CEACAM1: variants seen among roughly 807,000 people sequenced by gnomAD.
CEACAM1 encodes cell adhesion molecule CEACAM1.
Under a neutral mutation model 49.1 loss-of-function variants are expected in CEACAM1, and 31 were observed. The ratio of observed to expected loss-of-function variants is 0.63; its 90% CI spans 0.47 to 0.85. CEACAM1 has a LOEUF of 0.85. CEACAM1 is among the 40% of genes least tolerant of loss of function. CEACAM1 has a pLI of 0.00. For synonymous variants in CEACAM1, 244 were observed against 247.8 expected, an observed-to-expected ratio of 0.98 and a Z score of 0.14; for missense variants, 570 against 645.3, an observed-to-expected ratio of 0.88 and a Z score of 1.26.
Position 42,521,953 on chromosome 19 carries a change from C to G in CEACAM1, c.674G>C (p.Arg225Pro). The change falls in exon 3 of 9, where the codon CGC becomes CCC. Residue 225 changes from arginine to proline, a missense_variant. Arg to Pro is a moderately radical substitution (Grantham distance 103). Coordinates refer to ENST00000161559, the MANE Select transcript of CEACAM1 (RefSeq NM_001712.5). ...GACATTCAAGGTGACTGGGTCACTGCGGTTCGCACTCACTGGGTTCTGTAT... is the reference window on the plus strand; with the variant it reads ...GACATTCAAGGTGACTGGGTCACTGGGGTTCGCACTCACTGGGTTCTGTAT... ...CEIQNPVSAN[R>P]SDPVTLNVTY... The G allele has an allele frequency of 6.2e-7, 1 of 1,614,228 alleles. No individual in the cohort carries two copies. The highest frequency in any genetic ancestry group is 8.5e-7 in the Non-Finnish European group (1 of 1,180,040).
intron 5 of CEACAM1, chr19:42,515,013 G>A (rs1446824500): frequency 1.3e-5 from 9 of 679,236 alleles, no homozygotes; most frequent in Admixed American, 1.3e-4. Context: ...GCTCACACCT[G>A]TAATCTCAGC....
At position 42,507,540 on chromosome 19, in the gene CEACAM1, T is replaced by C. The variant is rs2041364484; in HGVS notation, c.*1569A>G. ...GCCTAACATGAGATCAGGTAAGCAA[T>C]ATAGAATAAAACCTTTCTCTTAGCC... is the stretch of plus-strand genomic sequence containing the variant. On this transcript the variant is annotated 3_prime_UTR_variant, in exon 9 of 9. Transcript: ENST00000161559. The C allele has an allele frequency of 6.6e-6, 1 of 152,182 alleles. No homozygotes were observed. The highest frequency in any genetic ancestry group is 2.4e-5 in the African/African-American group (1 of 41,446). 9.4% of individuals were successfully genotyped at this position (152,182 alleles called of 1,614,324 possible).
chr19:42,513,915 T>TAAATAAATAA (rs1555798811), intron 5 of CEACAM1, among the ~76,000 whole-genome samples: 2,965 of 129,792 alleles, frequency 0.023, 285 homozygotes, highest in African/African-American at 0.1. Flanking sequence ...TATATATATA[T>TAAATAAATAA]ATAATATATA....
At chr19:42,520,592 A>G (rs1364930870) in intron 4 of CEACAM1, 1 of 152,056 alleles carries the variant, frequency 6.6e-6, no homozygotes, top group Non-Finnish European at 1.5e-5. Flanking sequence ...CTGGTCTCGA[A>G]CTCCTGACCT....
intron 6 of CEACAM1, 129 bp from the exon 7 acceptor site, chr19:42,511,757 G>A: frequency 1.3e-6 from 1 of 795,074 alleles, no homozygotes; most frequent in Non-Finnish European, 2.1e-6. Flanking sequence ...TCTTCTGAGG[G>A]CCTCGTTCTT....
intron 5 of CEACAM1, among the ~76,000 whole-genome samples, chr19:42,513,403 C>A (rs893915137): frequency 8.1e-4 from 123 of 152,196 alleles, no homozygotes; most frequent in Non-Finnish European, 1.0e-3. Flanking sequence ...TCAAGACCAG[C>A]CTGGCCAAGA....
chr19:42,514,212 A>G (rs1306942444), intron 5 of CEACAM1, among the ~76,000 whole-genome samples: 1 of 150,056 alleles, frequency 6.7e-6, no homozygotes, highest in East Asian at 2.0e-4. Flanking sequence ...GCTCACTGCA[A>G]CCTCTGCCTC....
Position 42,509,203 on chromosome 19 carries a change from A to G in CEACAM1, c.1487T>C (p.Leu496Pro), listed in dbSNP as rs769573792. Reference sequence around the variant, plus strand: ...TGTGGGTTGCTGGGCTTCAAAGTTCAGGGTAGAATAAGTAACTTCATTCAT... The same window carrying G: ...TGTGGGTTGCTGGGCTTCAAAGTTCGGGGTAGAATAAGTAACTTCATTCAT... ...NKMNEVTYST[L>P]NFEAQQPTQP... The change falls in exon 9 of 9, where the codon CTG (leucine) becomes CCG (proline). Residue 496 changes from leucine to proline, a missense_variant. Transcript: ENST00000161559. 3.1e-6 allele frequency: 5 copies of G among 1,612,662 alleles called. No individual in the cohort carries two copies. In the Admixed American group the frequency reaches 8.4e-5, roughly 27 times the overall value.
At chr19:42,518,496 C>CTTT (rs71167399) in intron 5 of CEACAM1, 7 of 136,246 alleles carry the variant, frequency 5.1e-5, no homozygotes, top group Non-Finnish European at 7.7e-5. Context: ...AGCCTGAGCT[C>CTTT]TTTTTTTTTT....
At chr19:42,524,960 G>C (rs2041853524) in intron 2 of CEACAM1, among the ~76,000 whole-genome samples, 1 of 152,124 alleles carries the variant, frequency 6.6e-6, no homozygotes, top group Non-Finnish European at 1.5e-5. Flanking sequence ...GGGATGGGGA[G>C]CAGGTATGGC....
chr19:42,509,338 G>T, intron 8 of CEACAM1, 110 bp from the exon 9 acceptor site: 1 of 1,285,172 alleles, frequency 7.8e-7, no homozygotes. Context: ...TTTTAGCTCT[G>T]GAGAAGGGCT....
Position 42,507,604 on chromosome 19 carries a change from G to T in CEACAM1, c.*1505C>A, listed in dbSNP as rs548870337. On this transcript the variant is annotated 3_prime_UTR_variant, in exon 9 of 9. Transcript: ENST00000161559. ...ATCTGTGTAGAAGACTGGGTGAGAAGTACATTTGCCTGTCTTCCTCCTGTC... is the reference window on the plus strand; with the variant it reads ...ATCTGTGTAGAAGACTGGGTGAGAATTACATTTGCCTGTCTTCCTCCTGTC... 16 of 152,346 alleles carry T rather than the reference G, an allele frequency of 1.1e-4. No homozygotes were observed. The highest frequency in any genetic ancestry group is 3.8e-4 in the African/African-American group (16 of 41,582). The allele number at this position is 152,346 out of a possible 1,614,324, so 9.4% of individuals were successfully genotyped here. A position where few individuals can be genotyped will look rare whatever the true frequency, so the allele number is the denominator to read the frequency against.
Position 42,512,720 on chromosome 19 carries a change from C to G in CEACAM1, c.1247-241G>C, listed in dbSNP as rs183300346. ...TGAGACAGAGTCTTGCTCTGTCTCT[C>G]AGGCTGGAGTGCAGTAGCATGATCT... is the stretch of plus-strand genomic sequence containing the variant. On this transcript the variant is annotated intron_variant, in intron 5 of 8. Coordinates refer to ENST00000161559, the MANE Select transcript of CEACAM1 (RefSeq NM_001712.5). 2.4e-4 allele frequency among the ~76,000 whole-genome samples: 36 copies of G among 149,552 alleles called. 1 individual carries two copies. Among genetic ancestry groups the G allele is most frequent in the African/African-American group, 8.5e-4 (34 of 40,192 alleles).
At chr19:42,517,219 T>A (rs1388139161) in intron 5 of CEACAM1, among the ~76,000 whole-genome samples, 1 of 152,212 alleles carries the variant, frequency 6.6e-6, no homozygotes, top group Non-Finnish European at 1.5e-5. Context: ...GCTAAAACTA[T>A]AAAGCTCTTG....
chr19:42,518,496 CTTTTTT>C (rs71167399), intron 5 of CEACAM1: 6 of 136,244 alleles, frequency 4.4e-5, no homozygotes, highest in South Asian at 3.8e-4. Flanking sequence ...AGCCTGAGCT[CTTTTTT>C]TTTTTTTTTT....
rs574286592 is a variant in CEACAM1, at chr19:42,507,733, C to G, written c.*1376G>C. 2.6e-5 allele frequency: 4 copies of G among 152,380 alleles called. No individual in the cohort carries two copies. The East Asian group carries it at 5.8e-4, about 22-fold the overall frequency. The allele number at this position is 152,380 out of a possible 1,614,324, so 9.4% of individuals were successfully genotyped here. A position where few individuals can be genotyped will look rare whatever the true frequency, so the allele number is the denominator to read the frequency against. ...GCCTAAGTTATAATCCTCCTCCTCA[C>G]AGCCCCATTTCCCCAAGGGGCATTA... On this transcript the variant is annotated 3_prime_UTR_variant, in exon 9 of 9. Coordinates refer to ENST00000161559, the MANE Select transcript of CEACAM1 (RefSeq NM_001712.5).
intron 7 of CEACAM1, chr19:42,511,375 C>T (rs2041452090): frequency 5.0e-6 from 3 of 606,056 alleles, no homozygotes; most frequent in South Asian, 2.0e-5. Flanking sequence ...CAGAGTGAGC[C>T]TCTCTCCTCA....
At chr19:42,515,618 G>A (rs2041581075) in intron 5 of CEACAM1, among the ~76,000 whole-genome samples, 1 of 151,910 alleles carries the variant, frequency 6.6e-6, no homozygotes. Flanking sequence ...AGGCTGTGGT[G>A]AGCCATGATC....
chr19:42,523,030 C>T (rs1345903686), intron 2 of CEACAM1, among the ~76,000 whole-genome samples: 1 of 152,176 alleles, frequency 6.6e-6, no homozygotes, highest in African/African-American at 2.4e-5. Flanking sequence ...GGGTCGTGGA[C>T]AGACCGAGGA....
Sources: allele counts gnomAD v4.1 joint callset (sites outside exome capture counted in the v4.1 genomes callset), GRCh38; gene constraint gnomAD v4.1.1; transcripts MANE v1.5; gene names NCBI Gene and HGNC (gene_info 2026-07-23, HGNC 2026-07-21).